SYNE1: variants seen among roughly 807,000 people sequenced by gnomAD.
The protein encoded by SYNE1 is spectrin repeat containing nuclear envelope protein 1.
A neutral mutation model predicts 1,111.0 loss-of-function variants in SYNE1; 616 were observed. The observed-to-expected ratio is 0.55, with a 90% CI of 0.52 to 0.59. The LOEUF is 0.59. SYNE1 is among the 20% of genes least tolerant of loss of function. The probability of loss-of-function intolerance (pLI) is 0.00; values close to 1 mark genes in which losing one functional copy is unlikely to be tolerated. For missense variants in SYNE1, 10,006 were observed against 10,417.0 expected (o/e 0.96, Z 1.72); for synonymous variants, 3,855 against 3,825.8 (o/e 1.01, Z -0.28).
chr6:152,462,629 A>AT, intron 20 of SYNE1, 109 bp downstream of exon 20: 1 of 1,340,458 alleles, frequency 7.5e-7, no homozygotes, highest in Admixed American at 1.7e-5. Flanking sequence ...ACATGTCAAA[A>AT]TGATGCCCAG....
At chr6:152,377,496 C>T (rs1205231136) in intron 56 of SYNE1, among the ~76,000 whole-genome samples, 2 of 149,720 alleles carry the variant, frequency 1.3e-5, no homozygotes, top group East Asian at 2.0e-4. Flanking sequence ...GTAATCCCAG[C>T]TACTTGGGAG....
chr6:152,257,627 TAGAAAC>T, intron 101 of SYNE1, among the ~76,000 whole-genome samples: 1 of 152,108 alleles, frequency 6.6e-6, no homozygotes, highest in Admixed American at 6.5e-5. Flanking sequence ...ATAAATAAAT[TAGAAAC>T]AGAAAGGATG....
chr6:152,139,645 G>C (rs1208468747), intron 140 of SYNE1, among the ~76,000 whole-genome samples: 2 of 122,530 alleles, frequency 1.6e-5, no homozygotes, highest in African/African-American at 3.1e-5. Context: ...GAAGGAGAAA[G>C]AAAGAAAAAA....
At chr6:152,575,720 C>T (rs747192059) in intron 3 of SYNE1, among the ~76,000 whole-genome samples, 3 of 152,214 alleles carry the variant, frequency 2.0e-5, no homozygotes, top group Non-Finnish European at 4.4e-5. Context: ...CCTATCAGAA[C>T]ATCAGTTTCA....
At chr6:152,357,850 C>T (rs773245281) in intron 66 of SYNE1, among the ~76,000 whole-genome samples, 3 of 152,084 alleles carry the variant, frequency 2.0e-5, no homozygotes, top group Admixed American at 6.5e-5. Flanking sequence ...GGCATCTCAC[C>T]GTGAATTATG....
rs1229266836 is a variant in SYNE1 at position 152,244,600 on chromosome 6, T to C, written c.19629A>G (p.Leu6543=). 3.1e-6 allele frequency: 5 copies of C among 1,614,104 alleles called. No individual in the cohort carries two copies. Among genetic ancestry groups the C allele is most frequent in the Non-Finnish European group, 4.2e-6 (5 of 1,179,958 alleles). ...LKEFDAGIIE[L]KRRGDKLQVE... The stretch of plus-strand genomic sequence containing the variant: ...CCTGTAGCTTGTCACCACGCCTCTT[T>C]AATTCAATGATTCCTGCATCAAATT... The change falls in exon 106 of 146, where the codon TTA becomes TTG. Residue 6543 remains leucine, a synonymous_variant. Coordinates refer to ENST00000367255, the MANE Select transcript of SYNE1 (RefSeq NM_182961.4).
At chr6:152,286,924 T>C (rs1213490076) in intron 95 of SYNE1, among the ~76,000 whole-genome samples, 1 of 152,248 alleles carries the variant, frequency 6.6e-6, no homozygotes, top group African/African-American at 2.4e-5. Context: ...ATAGAATACA[T>C]TCGCATACGT....
chr6:152,278,153 C>T lies in SYNE1; in HGVS notation c.18509G>A (p.Arg6170Lys), dbSNP rs762784580. The T allele has an allele frequency of 6.2e-7, 1 of 1,614,172 alleles. No individual in the cohort carries two copies. Among genetic ancestry groups the T allele is most frequent in the Non-Finnish European group, 8.5e-7 (1 of 1,180,050 alleles). ...DEAEQLAGKL[R>K]RLKGSLLELQ... ...CTCCAGCAGGCTCCCCTTGAGCCTT[C>T]TCAGCTTTCCAGCCAGCTGCTCGGC... Residue 6170 changes from arginine to lysine, a missense_variant, in exon 98 of 146, where the codon AGA becomes AAA. Physicochemically the swap from Arg to Lys is conservative, Grantham distance 26 (BLOSUM62 2). Transcript: ENST00000367255.
At chr6:152,614,890 C>A (rs2099641535) in intron 3 of SYNE1, among the ~76,000 whole-genome samples, 1 of 152,064 alleles carries the variant, frequency 6.6e-6, no homozygotes, top group African/African-American at 2.4e-5. Context: ...AGACAGAAAA[C>A]CAAATACCAA....
chr6:152,265,240 T>C (rs1269583279), intron 100 of SYNE1, among the ~76,000 whole-genome samples: 3 of 121,896 alleles, frequency 2.5e-5, no homozygotes, highest in Admixed American at 8.2e-5. Flanking sequence ...ATAGTAACAA[T>C]AATAATAATG....
At chr6:152,165,838 T>C (rs1305440276) in intron 130 of SYNE1, among the ~76,000 whole-genome samples, 1 of 152,250 alleles carries the variant, frequency 6.6e-6, no homozygotes, top group Non-Finnish European at 1.5e-5. Flanking sequence ...ACAGTTTTAT[T>C]ATGGCTACTG....
At chr6:152,235,904 G>A (rs1014086031) in intron 110 of SYNE1, among the ~76,000 whole-genome samples, 5 of 151,978 alleles carry the variant, frequency 3.3e-5, no homozygotes, top group African/African-American at 1.2e-4. Flanking sequence ...ACCATACCTA[G>A]TCCTTTTGTA....
Position 152,219,013 on chromosome 6 carries a change from G to C in SYNE1, c.22034C>G (p.Thr7345Ser). The C allele has an allele frequency of 6.2e-7, 1 of 1,613,928 alleles. No homozygotes were observed. Among genetic ancestry groups the C allele is most frequent in the East Asian group, 2.2e-5 (1 of 44,880 alleles). ...ALEQALCKQQ[T>S]SLQAGVLDYE... ...ATAGGAGCTCTGTACCTGTAATGAA[G>C]TCTGCTGTTTGCAGAGAGCTTGCTC... Residue 7345 changes from threonine to serine, a missense_variant, in exon 120 of 146, where the codon ACT (threonine) becomes AGT (serine). Thr to Ser is a moderately conservative substitution (Grantham distance 58). Coordinates refer to ENST00000367255, the MANE Select transcript of SYNE1 (RefSeq NM_182961.4).
rs115850120 is a variant in SYNE1 at position 152,498,516 on chromosome 6, T to C, written c.939+226A>G. Among the ~76,000 whole-genome samples, 1,439 of 152,314 alleles carry C rather than the reference T, an allele frequency of 9.4e-3. 32 individuals are homozygous for C. Among genetic ancestry groups the C allele is most frequent in the African/African-American group, 0.033 (1,379 of 41,584 alleles). On this transcript the variant is annotated intron_variant, in intron 11 of 145. Transcript: ENST00000367255. ...TTAATTGATAGATACCATTTTATAA[T>C]GAAAGATTAATGGGCAAGTCCATGG...
chr6:152,249,413 C>A (rs1290994873), intron 104 of SYNE1, 151 bp from the exon 105 acceptor site: 1 of 681,308 alleles, frequency 1.5e-6, no homozygotes, highest in African/African-American at 1.8e-5. Flanking sequence ...GTAAAAGGAA[C>A]TGGTAACAAT....
chr6:152,561,732 A>T (rs2099395979), intron 3 of SYNE1, among the ~76,000 whole-genome samples: 1 of 152,206 alleles, frequency 6.6e-6, no homozygotes, highest in African/African-American at 2.4e-5. Context: ...GGATTGGAAC[A>T]GAAAGCACAG....
chr6:152,446,821 G>A (rs2098596831), intron 29 of SYNE1, among the ~76,000 whole-genome samples: 1 of 152,078 alleles, frequency 6.6e-6, no homozygotes, highest in East Asian at 1.9e-4. Flanking sequence ...ATCTATAAAG[G>A]AATATAGAAA....
intron 116 of SYNE1, among the ~76,000 whole-genome samples, chr6:152,225,295 A>G (rs201573874): frequency 0.16 from 19,078 of 123,024 alleles, 1,564 homozygotes; most frequent in Admixed American, 0.32. Flanking sequence ...ACACACACAC[A>G]CACACACGCA....
chr6:152,540,833 G>C (rs2128000077), intron 3 of SYNE1, among the ~76,000 whole-genome samples: 1 of 152,314 alleles, frequency 6.6e-6, no homozygotes, highest in Admixed American at 6.5e-5. Context: ...TGAACAGCCA[G>C]TAAGACACCA....
Sources: allele counts gnomAD v4.1 joint callset (sites outside exome capture counted in the v4.1 genomes callset), GRCh38; gene constraint gnomAD v4.1.1; transcripts MANE v1.5; gene names NCBI Gene and HGNC (gene_info 2026-07-23, HGNC 2026-07-21).